Variants in FMNL2 observed in about 807,000 individuals in gnomAD.
FMNL2 encodes formin-like protein 2.
FMNL2 carries 51 observed loss-of-function variants against 130.2 expected under a neutral mutation model. That is an observed-to-expected ratio of 0.39 (90% CI 0.31 to 0.49). The LOEUF is 0.49. Among genes scored for constraint, FMNL2 ranks in the 20% least tolerant of loss-of-function variants. The pLI is 0.85. For synonymous variants in FMNL2, 465 were observed against 467.1 expected, an observed-to-expected ratio of 1.00 and a Z score of 0.06; for missense variants, 977 against 1,316.2, an observed-to-expected ratio of 0.74 and a Z score of 3.99.
At chr2:152,579,216 G>A (rs1696641250) in intron 8 of FMNL2, among the ~76,000 whole-genome samples, 1 of 152,110 alleles carries the variant, frequency 6.6e-6, no homozygotes, top group Admixed American at 6.5e-5. Flanking sequence ...TTTGAGGCCT[G>A]GTTTCCAGCA....
rs777393147 is a variant in FMNL2, at chr2:152,521,937, A to T, written c.118-6A>T. 3 of 1,609,788 alleles carry T rather than the reference A, an allele frequency of 1.9e-6. No individual in the cohort carries two copies. The highest frequency in any genetic ancestry group is 1.7e-5 in the Admixed American group (1 of 59,768). ...CATCTTTTCTCTCTTTATTTTTTTTAAACAGAATGCTATGAACCTACCTCC... is the reference window on the plus strand; with the variant it reads ...CATCTTTTCTCTCTTTATTTTTTTTTAACAGAATGCTATGAACCTACCTCC... On this transcript the variant is annotated splice_polypyrimidine_tract_variant and splice_region_variant and intron_variant, in intron 1 of 25. Transcript: ENST00000288670.
At chr2:152,453,138 G>T (rs1209344397) in intron 1 of FMNL2, among the ~76,000 whole-genome samples, 1 of 149,984 alleles carries the variant, frequency 6.7e-6, no homozygotes, top group Admixed American at 6.7e-5. Flanking sequence ...GGAGGCAGAG[G>T]TTGCAGCAAG....
intron 3 of FMNL2, among the ~76,000 whole-genome samples, chr2:152,547,645 G>A (rs1223845103): frequency 6.6e-6 from 1 of 152,164 alleles, no homozygotes; most frequent in Non-Finnish European, 1.5e-5. Context: ...CAAGTCCCAG[G>A]TGTGGGCGTA....
intron 8 of FMNL2, among the ~76,000 whole-genome samples, chr2:152,579,883 A>T (rs995833707): frequency 1.3e-5 from 2 of 152,226 alleles, no homozygotes; most frequent in African/African-American, 4.8e-5. Context: ...CTGTACTTCA[A>T]ATGTGCAATT....
chr2:152,342,514 A>G (rs1315571454), intron 1 of FMNL2, among the ~76,000 whole-genome samples: 3 of 152,184 alleles, frequency 2.0e-5, no homozygotes, highest in African/African-American at 7.2e-5. Context: ...CTTTGGAGTC[A>G]TGGTTCCTTA....
chr2:152,643,799 T>C (rs1683305934), intron 25 of FMNL2: 81 of 985,420 alleles, frequency 8.2e-5, no homozygotes, highest in Non-Finnish European at 9.5e-5. Context: ...TTCAGAAAAA[T>C]AGAGCAAAAA....
intron 1 of FMNL2, among the ~76,000 whole-genome samples, chr2:152,339,730 AT>A (rs939115914): frequency 5.9e-5 from 9 of 151,796 alleles, no homozygotes; most frequent in African/African-American, 2.2e-4. Context: ...TTTCCTTCTC[AT>A]TTTTTTTCTG....
intron 2 of FMNL2, among the ~76,000 whole-genome samples, chr2:152,523,957 A>G (rs1006937325): frequency 6.6e-6 from 1 of 152,208 alleles, no homozygotes; most frequent in East Asian, 1.9e-4. Context: ...ATTGGCAGAG[A>G]GGGCAGAAGG....
At chr2:152,406,358 G>A (rs2105980757) in intron 1 of FMNL2, among the ~76,000 whole-genome samples, 1 of 152,020 alleles carries the variant, frequency 6.6e-6, no homozygotes, top group South Asian at 2.1e-4. Context: ...GCAGACATTA[G>A]CACTCTGTTA....
At chr2:152,598,034 C>T (rs1197819692) in intron 9 of FMNL2, among the ~76,000 whole-genome samples, 1 of 152,180 alleles carries the variant, frequency 6.6e-6, no homozygotes, top group African/African-American at 2.4e-5. Context: ...AAGGTCTCTG[C>T]ATTCATGGCA....
intron 7 of FMNL2, among the ~76,000 whole-genome samples, chr2:152,578,284 G>A (rs1696585226): frequency 6.6e-6 from 1 of 152,144 alleles, no homozygotes; most frequent in Non-Finnish European, 1.5e-5. Context: ...GATCCCTGGT[G>A]TAGTCAAAAA....
chr2:152,543,729 CAAAAA>C, intron 3 of FMNL2, among the ~76,000 whole-genome samples: 1 of 61,396 alleles, frequency 1.6e-5, no homozygotes, highest in African/African-American at 6.8e-5. Context: ...ACCCCCCGAC[CAAAAA>C]AAAAAAAAAA....
At chr2:152,556,940 T>TA (rs1695241152) in intron 4 of FMNL2, among the ~76,000 whole-genome samples, 1 of 152,084 alleles carries the variant, frequency 6.6e-6, no homozygotes, top group South Asian at 2.1e-4. Flanking sequence ...AGGGCCAGTT[T>TA]AAATTGTACA....
Position 152,639,889 on chromosome 2 carries a change from G to T in FMNL2, c.2947-69G>T, listed in dbSNP as rs576737693. Reference sequence around the variant, plus strand: ...AACTCACTAAGGATGCTTGAAGAATGACTTTAAAAAATCTTGGCTGCTCTC... The same window carrying T: ...AACTCACTAAGGATGCTTGAAGAATTACTTTAAAAAATCTTGGCTGCTCTC... On this transcript the variant is annotated intron_variant, in intron 23 of 25. Transcript: ENST00000288670. 1.6e-5 allele frequency: 22 copies of T among 1,366,682 alleles called. No individual in the cohort carries two copies. In the East Asian group the frequency reaches 1.8e-4, roughly 11 times the overall value. The allele number at this position is 1,366,682 out of a possible 1,614,324, so 84.7% of individuals were successfully genotyped here.
At chr2:152,507,984 C>T (rs866953848) in intron 1 of FMNL2, among the ~76,000 whole-genome samples, 7 of 152,034 alleles carry the variant, frequency 4.6e-5, no homozygotes, top group Non-Finnish European at 8.8e-5. Context: ...GATTAAGTTA[C>T]GATAATATGG....
chr2:152,559,135 T>C (rs866288791), intron 5 of FMNL2, among the ~76,000 whole-genome samples: 45 of 152,236 alleles, frequency 3.0e-4, no homozygotes, highest in Admixed American at 2.3e-3. Context: ...AAGAGGTATG[T>C]GATAAATCAC....
At chr2:152,601,033 A>G (rs1698019550) in intron 9 of FMNL2, among the ~76,000 whole-genome samples, 1 of 152,148 alleles carries the variant, frequency 6.6e-6, no homozygotes, top group South Asian at 2.1e-4. Flanking sequence ...AAGAATACTG[A>G]GGGAGAGAAT....
intron 1 of FMNL2, among the ~76,000 whole-genome samples, chr2:152,471,474 A>C (rs1305238676): frequency 1.1e-5 from 1 of 94,400 alleles, no homozygotes; most frequent in East Asian, 5.2e-4. Flanking sequence ...TGTACCTAGC[A>C]CTTGACTGCA....
chr2:152,338,006 T>C (rs903861165), intron 1 of FMNL2, among the ~76,000 whole-genome samples: 1 of 150,864 alleles, frequency 6.6e-6, no homozygotes, highest in African/African-American at 2.4e-5. Context: ...GTGCGCAGTG[T>C]TGGTGATTTC....
Sources: gnomAD v4.1 joint callset for allele counts (sites outside exome capture counted in the v4.1 genomes callset) on GRCh38, gnomAD v4.1.1 for gene constraint, MANE v1.5 for transcripts, NCBI Gene and HGNC (gene_info 2026-07-23, HGNC 2026-07-21) for gene names.